The following JARID2 variants were observed in gnomAD, a reference collection of about 807,000 sequenced individuals.
The protein encoded by JARID2 is protein Jumonji.
Under a neutral mutation model 125.6 loss-of-function variants are expected in JARID2, and 21 were observed. The observed-to-expected ratio is 0.17, with a 90% CI of 0.12 to 0.24. The LOEUF is 0.24. Ranked by LOEUF, JARID2 falls within the 10% of genes least tolerant of loss-of-function variation. The pLI is 1.00. For synonymous variants in JARID2, 736 were observed against 661.6 expected, an observed-to-expected ratio of 1.11 and a Z score of -1.73; for missense variants, 1,303 against 1,639.6, an observed-to-expected ratio of 0.79 and a Z score of 3.55.
intron 1 of JARID2, chr6:15,247,678 C>T (rs756302876): frequency 1.0e-6 from 1 of 985,178 alleles, no homozygotes; most frequent in Non-Finnish European, 1.2e-6. Context: ...AGATGACCTT[C>T]GGGGCACTGG....
chr6:15,325,321 C>G (rs1762502959), intron 1 of JARID2, among the ~76,000 whole-genome samples: 1 of 152,186 alleles, frequency 6.6e-6, no homozygotes, highest in African/African-American at 2.4e-5. Context: ...CTTAGCCTCA[C>G]TCTCCGTGTT....
intron 4 of JARID2, among the ~76,000 whole-genome samples, chr6:15,457,691 G>A (rs180923437): frequency 8.0e-5 from 12 of 150,334 alleles, no homozygotes; most frequent in Non-Finnish European, 1.5e-4. Context: ...AGAATAAATC[G>A]TGAGGCCAAG....
chr6:15,477,511 T>TC (rs1769403885), intron 5 of JARID2, among the ~76,000 whole-genome samples: 1 of 150,392 alleles, frequency 6.6e-6, no homozygotes. Context: ...TTGGTTTTTT[T>TC]TTTTTTTTTT....
At chr6:15,295,270 C>A (rs1411692079) in intron 1 of JARID2, among the ~76,000 whole-genome samples, 1 of 151,712 alleles carries the variant, frequency 6.6e-6, no homozygotes, top group Non-Finnish European at 1.5e-5. Context: ...TACAGGCGCC[C>A]GCCAACACGC....
At chr6:15,490,089 C>T (rs1345297703) in intron 6 of JARID2, among the ~76,000 whole-genome samples, 1 of 152,218 alleles carries the variant, frequency 6.6e-6, no homozygotes, top group African/African-American at 2.4e-5. Flanking sequence ...TTCAAACCCT[C>T]AGATCCTATT....
chr6:15,314,037 T>C (rs1762102530), intron 1 of JARID2, among the ~76,000 whole-genome samples: 1 of 152,190 alleles, frequency 6.6e-6, no homozygotes, highest in Non-Finnish European at 1.5e-5. Context: ...GCCCAAGGTG[T>C]CCTGATGTTG....
intron 1 of JARID2, among the ~76,000 whole-genome samples, chr6:15,339,764 A>G (rs1271354978): frequency 1.3e-5 from 2 of 152,012 alleles, no homozygotes; most frequent in East Asian, 1.9e-4. Context: ...CGAACTCCCA[A>G]CCTCAGGTGA....
rs180840194 is a variant in JARID2, at chr6:15,287,468, A to G, written c.45+40884A>G. Among the ~76,000 whole-genome samples the G allele has an allele frequency of 1.2e-3, 182 of 152,368 alleles. No individual in the cohort carries two copies. The Middle Eastern group carries it at 0.014, about 11-fold the overall frequency. ...TGTTATTTCAAGATAATCTGCAACCACTGTAAATCAGTATAAGAGTATTTG... is the reference window on the plus strand; with the variant it reads ...TGTTATTTCAAGATAATCTGCAACCGCTGTAAATCAGTATAAGAGTATTTG... On this transcript the variant is annotated intron_variant, in intron 1 of 17. Transcript: ENST00000341776.
At chr6:15,277,248 G>A (rs147797930) in intron 1 of JARID2, among the ~76,000 whole-genome samples, 5 of 152,206 alleles carry the variant, frequency 3.3e-5, no homozygotes, top group Admixed American at 2.6e-4. Flanking sequence ...GTATATGCAG[G>A]GGCTGGAGTT....
chr6:15,327,788 C>T (rs1762581688), intron 1 of JARID2, among the ~76,000 whole-genome samples: 1 of 152,120 alleles, frequency 6.6e-6, no homozygotes. Flanking sequence ...TGGTTGTGAC[C>T]TGGACTGCAA....
intron 2 of JARID2, among the ~76,000 whole-genome samples, chr6:15,400,177 A>G (rs1457093890): frequency 1.3e-5 from 2 of 151,656 alleles, no homozygotes; most frequent in Non-Finnish European, 2.9e-5. Flanking sequence ...TGCCTCGGGG[A>G]GGGGCCTGCG....
At chr6:15,461,363 G>A (rs1413926349) in intron 4 of JARID2, among the ~76,000 whole-genome samples, 2 of 152,126 alleles carry the variant, frequency 1.3e-5, no homozygotes, top group Admixed American at 6.5e-5. Flanking sequence ...CCCTAATGTC[G>A]GGAATTTCCT....
chr6:15,351,650 C>G (rs1405330039), intron 1 of JARID2, among the ~76,000 whole-genome samples: 1 of 152,180 alleles, frequency 6.6e-6, no homozygotes, highest in Non-Finnish European at 1.5e-5. Flanking sequence ...TCCTATTCAC[C>G]ACTGGATTTA....
intron 2 of JARID2, among the ~76,000 whole-genome samples, chr6:15,408,731 C>T (rs1388359185): frequency 1.3e-5 from 2 of 152,064 alleles, no homozygotes; most frequent in Non-Finnish European, 2.9e-5. Context: ...TTTTCTTATC[C>T]ACACTGGGCA....
chr6:15,391,047 T>C (rs1315536106), intron 2 of JARID2, among the ~76,000 whole-genome samples: 1 of 152,134 alleles, frequency 6.6e-6, no homozygotes, highest in Non-Finnish European at 1.5e-5. Context: ...GGGCGATCAT[T>C]ATTGAGGTTG....
intron 1 of JARID2, among the ~76,000 whole-genome samples, chr6:15,327,576 C>T (rs767458673): frequency 6.6e-5 from 10 of 151,522 alleles, no homozygotes; most frequent in Non-Finnish European, 1.0e-4. Context: ...TGTGCATGTG[C>T]GTGCATCCCC....
In JARID2 at chr6:15,521,577, C is replaced by G. The variant is rs1388367821; in HGVS notation, c.*1326C>G. On this transcript the variant is annotated 3_prime_UTR_variant, in exon 18 of 18. Coordinates refer to ENST00000341776, the MANE Select transcript of JARID2 (RefSeq NM_004973.4). ...AAAAATAATAATGGAGTAGCTGTTG[C>G]CCTTCTCCGGTTGTGTGTACAGTAT... 1.3e-5 allele frequency: 2 copies of G among 152,012 alleles called. No individual in the cohort carries two copies. The highest frequency in any genetic ancestry group is 3.8e-4 in the East Asian group (2 of 5,196). The allele number at this position is 152,012 out of a possible 1,614,324, so 9.4% of individuals were successfully genotyped here.
chr6:15,319,672 A>G lies in JARID2; in HGVS notation c.46-54445A>G, dbSNP rs564735232. Among the ~76,000 whole-genome samples, 6 of 152,312 alleles carry G rather than the reference A, an allele frequency of 3.9e-5. No individual in the cohort carries two copies. In the South Asian group the frequency reaches 1.2e-3, roughly 32 times the overall value. On this transcript the variant is annotated intron_variant, in intron 1 of 17. Transcript: ENST00000341776. ...CCACCTGCTTCATGGCAGGTGAGCC[A>G]CTGCATCCGGTCTGTCCATAGTTTC...
At chr6:15,458,913 T>A (rs1768319385) in intron 4 of JARID2, among the ~76,000 whole-genome samples, 1 of 152,202 alleles carries the variant, frequency 6.6e-6, no homozygotes, top group Non-Finnish European at 1.5e-5. Flanking sequence ...CCTGGGCTAG[T>A]TACTGGAGTA....
Sources: allele counts gnomAD v4.1 joint callset (sites outside exome capture counted in the v4.1 genomes callset), GRCh38; gene constraint gnomAD v4.1.1; transcripts MANE v1.5; gene names NCBI Gene and HGNC (gene_info 2026-07-23, HGNC 2026-07-21).